The following MAPK10 variants were observed in gnomAD, a reference collection of about 807,000 sequenced individuals.
MAPK10 encodes the protein JNK3 alpha protein kinase.
A neutral mutation model predicts 59.3 loss-of-function variants in MAPK10; 25 were observed. The ratio of observed to expected loss-of-function variants is 0.42; its 90% CI spans 0.31 to 0.59. The LOEUF (loss-of-function observed/expected upper bound fraction) is 0.59, where lower values mean the gene tolerates loss of function less well. MAPK10 is among the 20% of genes least tolerant of loss of function. The pLI, the probability that MAPK10 is intolerant of heterozygous loss-of-function variation, is 0.15. For missense variants in MAPK10, 351 were observed against 568.9 expected, an observed-to-expected ratio of 0.62 and a Z score of 3.90; for synonymous variants, 190 against 200.5, an observed-to-expected ratio of 0.95 and a Z score of 0.44.
chr4:86,490,894 T>C (rs1754405666), intron 1 of MAPK10, among the ~76,000 whole-genome samples: 1 of 152,208 alleles, frequency 6.6e-6, no homozygotes, highest in Admixed American at 6.5e-5. Flanking sequence ...TTTATTTAGC[T>C]CCTAAACCTT....
At chr4:86,291,686 GT>G (rs2095233282) in intron 2 of MAPK10, among the ~76,000 whole-genome samples, 2 of 152,220 alleles carry the variant, frequency 1.3e-5, no homozygotes, top group African/African-American at 4.8e-5. Flanking sequence ...TCTAAGCACT[GT>G]CATTCTTCTA....
At chr4:86,258,485 T>C (rs1485301752) in intron 2 of MAPK10, among the ~76,000 whole-genome samples, 5 of 152,228 alleles carry the variant, frequency 3.3e-5, no homozygotes, top group Non-Finnish European at 7.4e-5. Context: ...TAGGAATCCA[T>C]GTCCCCTCTG....
At chr4:86,127,694 G>A (rs751452964) in intron 4 of MAPK10, 1 of 151,990 alleles carries the variant, frequency 6.6e-6, no homozygotes, top group Non-Finnish European at 1.5e-5. Context: ...ACTCCAGTTT[G>A]AAAAGTGTGA....
rs1743728349 is a variant in MAPK10 at position 86,017,306 on chromosome 4, C to T, written c.1317G>A (p.Met439Ile). Residue 439 changes from methionine (M) to isoleucine (I), a missense_variant, in exon 14 of 14, where the codon ATG becomes ATA. Met to Ile is a conservative substitution (Grantham distance 10). This residue lies in a region of MAPK10 where 155 missense variants were observed against 204.2 expected (regional missense o/e 0.76). Transcript: ENST00000641462. The surrounding 1 kb of genome is among the most constrained non-coding windows in gnomAD (Gnocchi z 4.4). The stretch of plus-strand genomic sequence containing the variant: ...CAGATGCCAGGGTCTGGTCGGTGGA[C>T]ATGGAGGAGATGTCATTGACAGACG... The part of the protein sequence containing the change: ...PSSSVNDISS[M>I]STDQTLASDT... 3 of 1,614,150 alleles carry T rather than the reference C, an allele frequency of 1.9e-6. No homozygotes were observed. Among genetic ancestry groups the T allele is most frequent in the Non-Finnish European group, 2.5e-6 (3 of 1,179,992 alleles).
intron 1 of MAPK10, among the ~76,000 whole-genome samples, chr4:86,372,564 GAAAGAAAAGA>G (rs1554253765): frequency 1.3e-5 from 1 of 78,690 alleles, no homozygotes; most frequent in African/African-American, 4.4e-5. Context: ...AAGAAAGAAA[GAAAGAAAAGA>G]AAAGAAAAGA....
chr4:86,044,108 G>A (rs2042081669), intron 11 of MAPK10, among the ~76,000 whole-genome samples: 1 of 152,150 alleles, frequency 6.6e-6, no homozygotes, highest in African/African-American at 2.4e-5. Flanking sequence ...CGGGGCTCTT[G>A]AAATGCTGTT....
chr4:86,547,996 G>A (rs187359812), intron 1 of MAPK10, among the ~76,000 whole-genome samples: 9 of 152,286 alleles, frequency 5.9e-5, no homozygotes, highest in Non-Finnish European at 8.8e-5. Context: ...CCAGACAAGA[G>A]AATAAAAGCA....
At chr4:86,285,583 C>T (rs536015630) in intron 2 of MAPK10, among the ~76,000 whole-genome samples, 1 of 152,082 alleles carries the variant, frequency 6.6e-6, no homozygotes, top group Non-Finnish European at 1.5e-5. Flanking sequence ...CCTATCTGAA[C>T]AGAGCAATTA....
At chr4:86,043,032 G>A (rs1024396260) in intron 11 of MAPK10, among the ~76,000 whole-genome samples, 1 of 151,970 alleles carries the variant, frequency 6.6e-6, no homozygotes. Context: ...GAGGAGATAT[G>A]GCCAGTTTAA....
chr4:86,092,061 AAAG>A (rs2149052166), intron 9 of MAPK10, among the ~76,000 whole-genome samples: 1 of 152,266 alleles, frequency 6.6e-6, no homozygotes, highest in South Asian at 2.1e-4. Flanking sequence ...CTCCAATGTA[AAAG>A]AAGAATATTT....
At chr4:86,296,047 G>A (rs1190503970) in intron 2 of MAPK10, among the ~76,000 whole-genome samples, 2 of 151,258 alleles carry the variant, frequency 1.3e-5, no homozygotes, top group Non-Finnish European at 2.9e-5. Context: ...TTGGTGGTGG[G>A]CATCTGTAAT....
intron 3 of MAPK10, among the ~76,000 whole-genome samples, chr4:86,177,551 A>G (rs557957890): frequency 6.6e-6 from 1 of 152,194 alleles, no homozygotes; most frequent in African/African-American, 2.4e-5. Flanking sequence ...AAATCAAGAG[A>G]GCTGTTTTTA....
At chr4:86,153,854 A>G (rs1327078548) in intron 4 of MAPK10, among the ~76,000 whole-genome samples, 1 of 152,128 alleles carries the variant, frequency 6.6e-6, no homozygotes, top group Non-Finnish European at 1.5e-5. Context: ...CATATATAAA[A>G]GACAGTATTT....
At chr4:86,488,679 C>T (rs1222032677) in intron 1 of MAPK10, among the ~76,000 whole-genome samples, 1 of 152,148 alleles carries the variant, frequency 6.6e-6, no homozygotes, top group Non-Finnish European at 1.5e-5. Flanking sequence ...TACACAATGG[C>T]ACAGAGACCA....
chr4:86,158,864 A>T (rs1327341093), intron 4 of MAPK10, among the ~76,000 whole-genome samples: 2 of 151,992 alleles, frequency 1.3e-5, no homozygotes, highest in Non-Finnish European at 2.9e-5. Flanking sequence ...TCAGTTTCAA[A>T]CACTGAATTT....
chr4:86,449,555 A>G (rs1021122449), intron 1 of MAPK10, among the ~76,000 whole-genome samples: 1 of 152,206 alleles, frequency 6.6e-6, no homozygotes, highest in Non-Finnish European at 1.5e-5. Flanking sequence ...AACAGATGAT[A>G]TGGTTTTGGG....
chr4:86,306,507 C>G (rs1027732660), intron 2 of MAPK10, among the ~76,000 whole-genome samples: 5 of 152,190 alleles, frequency 3.3e-5, no homozygotes, highest in Non-Finnish European at 7.3e-5. Context: ...TCACTCAAAA[C>G]TACTTTGAAT....
intron 3 of MAPK10, among the ~76,000 whole-genome samples, chr4:86,183,092 T>A (rs1421350495): frequency 6.6e-6 from 1 of 152,106 alleles, no homozygotes; most frequent in Non-Finnish European, 1.5e-5. Flanking sequence ...TCAGATTTAG[T>A]CTTGAAATAT....
chr4:86,420,685 G>C (rs1207792436), intron 1 of MAPK10, among the ~76,000 whole-genome samples: 1 of 152,096 alleles, frequency 6.6e-6, no homozygotes, highest in East Asian at 1.9e-4. Flanking sequence ...GCTACTCAGG[G>C]GGCTGAGGTG....
Sources: gnomAD v4.1 joint callset for allele counts (sites outside exome capture counted in the v4.1 genomes callset) on GRCh38, gnomAD v4.1.1 for gene constraint, gnomAD v4.1.1 regional missense constraint, Gnocchi (gnomAD v3.1) non-coding constraint, MANE v1.5 for transcripts, NCBI Gene and HGNC (gene_info 2026-07-23, HGNC 2026-07-21) for gene names.